Variants in ABCB9 observed in about 807,000 individuals in gnomAD.
The protein encoded by ABCB9 is ATP binding cassette subfamily B member 9.
In ABCB9, 36 loss-of-function variants were observed where a neutral mutation model predicts 62.0. The observed-to-expected ratio is 0.58, with a 90% CI of 0.45 to 0.77. The LOEUF (loss-of-function observed/expected upper bound fraction) is 0.77. Among genes scored for constraint, ABCB9 ranks in the 30% least tolerant of loss-of-function variants. The pLI, the probability that ABCB9 is intolerant of heterozygous loss-of-function variation, is 0.00. For missense variants in ABCB9, 943 were observed against 1,054.7 expected (o/e 0.89, Z 1.47); for synonymous variants, 435 against 461.4 (o/e 0.94, Z 0.73).
chr12:122,937,680 G>A (rs754703327), intron 9 of ABCB9, among the ~76,000 whole-genome samples: 7 of 152,134 alleles, frequency 4.6e-5, no homozygotes, highest in Non-Finnish European at 8.8e-5. Flanking sequence ...TCTACCTCTG[G>A]TTACATGCAC....
intron 11 of ABCB9, chr12:122,921,125 A>C (rs2034735879): frequency 1.4e-6 from 2 of 1,458,818 alleles, no homozygotes; most frequent in East Asian, 4.9e-5. Context: ...ATGCAATTTA[A>C]AATGGTTGGC....
rs1566165369 is a variant in ABCB9 at position 122,940,022 on chromosome 12, G to GT, written c.1743+88dup. 8.2e-6 allele frequency: 12 copies of GT among 1,467,168 alleles called. 1 individual carries two copies. The South Asian group carries it at 1.6e-4, about 19-fold the overall frequency. The allele number at this position is 1,467,168 out of a possible 1,614,324, so 90.9% of individuals were successfully genotyped here. A position where few individuals can be genotyped will look rare whatever the true frequency, so the allele number is the denominator to read the frequency against. On this transcript the variant is annotated intron_variant, in intron 9 of 11. Coordinates refer to ENST00000280560, the MANE Select transcript of ABCB9 (RefSeq NM_019625.4). This position sits in a 1 kb window ranked among gnomAD's most constrained non-coding sequence, Gnocchi z 4.8. ...TCTTTGAACTGTCCATTTATCTCTAGTGCCCTCTTCCGCACCTGTTACAGC... is the reference window on the plus strand; with the variant it reads ...TCTTTGAACTGTCCATTTATCTCTAGTTGCCCTCTTCCGCACCTGTTACAGC...
Position 122,947,714 on chromosome 12 carries a change from G to A in ABCB9, c.1053+910C>T, listed in dbSNP as rs1282010490. The A allele has an allele frequency of 7.6e-6, 2 of 261,958 alleles. No homozygotes were observed. Among genetic ancestry groups the A allele is most frequent in the Non-Finnish European group, 1.6e-5 (2 of 123,850 alleles). 16.2% of individuals were successfully genotyped at this position (261,958 alleles called of 1,614,324 possible). A position where few individuals can be genotyped will look rare whatever the true frequency, so the allele number is the denominator to read the frequency against. Reference sequence around the variant, plus strand: ...TCGGAAGCAGAAGCAGTGCCGTGGGGTGGCCAGAGGGGACAGCAGCCTGCC... The same window carrying A: ...TCGGAAGCAGAAGCAGTGCCGTGGGATGGCCAGAGGGGACAGCAGCCTGCC... On this transcript the variant is annotated intron_variant, in intron 5 of 11. Coordinates refer to ENST00000280560, the MANE Select transcript of ABCB9 (RefSeq NM_019625.4). This position sits in a 1 kb window ranked among gnomAD's most constrained non-coding sequence, Gnocchi z 6.0.
chr12:122,932,382 C>A lies in ABCB9; in HGVS notation c.1904-54G>T. 1 of 1,513,464 alleles carries A rather than the reference C, an allele frequency of 6.6e-7. No individual in the cohort carries two copies. The highest frequency in any genetic ancestry group is 1.4e-5 in the African/African-American group (1 of 72,530). 93.8% of individuals were successfully genotyped at this position (1,513,464 alleles called of 1,614,324 possible). A position where few individuals can be genotyped will look rare whatever the true frequency, so the allele number is the denominator to read the frequency against. On this transcript the variant is annotated intron_variant, in intron 10 of 11. Transcript: ENST00000280560. This position sits in a 1 kb window ranked among gnomAD's most constrained non-coding sequence, Gnocchi z 4.7. ...AGCAATGGGTGAGGCCGGGCAGCAC[C>A]GGGGAAGAGTGAGAGGCCCTGCCCT... is the stretch of plus-strand genomic sequence containing the variant.
chr12:122,941,078 T>C (rs2035741369), intron 7 of ABCB9, 83 bp from the exon 8 acceptor site: 1 of 1,428,630 alleles, frequency 7.0e-7, no homozygotes, highest in South Asian at 1.4e-5. Context: ...GAGGCAGGTA[T>C]AGGGAAAGCA....
chr12:122,950,536 G>T lies in ABCB9; in HGVS notation c.631C>A (p.Arg211Ser), dbSNP rs201867247. The stretch of plus-strand genomic sequence containing the variant: ...TGGATGACGATGCCATCAATGGCGC[G>T]GCCCGTGTAGTAGGGCAGGAAGGTC... ...GETFLPYYTG[R>S]AIDGIVIQKS... is the part of the protein sequence containing the mutation. The change falls in exon 3 of 12, where the codon CGC (arginine) becomes AGC (serine). Residue 211 changes from arginine (R) to serine (S), a missense_variant. Coordinates refer to ENST00000280560, the MANE Select transcript of ABCB9 (RefSeq NM_019625.4). 3.1e-6 allele frequency: 5 copies of T among 1,613,002 alleles called. No homozygotes were observed. The highest frequency in any genetic ancestry group is 3.4e-6 in the Non-Finnish European group (4 of 1,179,972).
chr12:122,949,655 G>T, intron 4 of ABCB9, 133 bp downstream of exon 4: 2 of 1,239,972 alleles, frequency 1.6e-6, no homozygotes, highest in Admixed American at 2.2e-5. Context: ...GGTGTTCCCA[G>T]CCTGAACTAA....
Position 122,947,501 on chromosome 12 carries a change from C to T in ABCB9, c.1053+1123G>A, listed in dbSNP as rs1259693401. The T allele has an allele frequency of 2.2e-6, 1 of 454,592 alleles. No homozygotes were observed. The highest frequency in any genetic ancestry group is 4.4e-6 in the Non-Finnish European group (1 of 225,820). 28.2% of individuals were successfully genotyped at this position (454,592 alleles called of 1,614,324 possible). Reference sequence around the variant, plus strand: ...CCGGCACCACCTGGAGGCCGTCATGCATCCAAGCCCCTGCTCTAGAAGTAC... The same window carrying T: ...CCGGCACCACCTGGAGGCCGTCATGTATCCAAGCCCCTGCTCTAGAAGTAC... On this transcript the variant is annotated intron_variant, in intron 5 of 11. Transcript: ENST00000280560. This position sits in a 1 kb window ranked among gnomAD's most constrained non-coding sequence, Gnocchi z 6.0.
At chr12:122,955,125 TA>T (rs1328209863) in intron 2 of ABCB9, among the ~76,000 whole-genome samples, 9 of 152,312 alleles carry the variant, frequency 5.9e-5, no homozygotes, top group African/African-American at 1.9e-4. Context: ...TTACTTGTGC[TA>T]GGCACCAAGC....
intron 9 of ABCB9, among the ~76,000 whole-genome samples, chr12:122,938,603 T>C (rs112827603): frequency 0.044 from 6,526 of 147,820 alleles, 461 homozygotes; most frequent in African/African-American, 0.15. Flanking sequence ...CCGAGGCGGG[T>C]GGATCACGAG....
At chr12:122,948,877 G>A in intron 4 of ABCB9, 48 bp from the exon 5 acceptor site, 6 of 1,446,532 alleles carry the variant, frequency 4.1e-6, no homozygotes, top group Non-Finnish European at 5.5e-6. Flanking sequence ...CGGGCCTTGG[G>A]GGTGGCGGTG....
chr12:122,955,561 C>T (rs2036574715), intron 2 of ABCB9, among the ~76,000 whole-genome samples: 1 of 152,220 alleles, frequency 6.6e-6, no homozygotes, highest in Non-Finnish European at 1.5e-5. Context: ...AGGGTGAATG[C>T]ATACATAACA....
rs142065173 is a variant in ABCB9 at position 122,947,835 on chromosome 12, C to A, written c.1053+789G>T. The stretch of plus-strand genomic sequence containing the variant: ...CACGTTCCAACCCAGGGCCTTTTCA[C>A]TGGCTGTGCCCTCTGCTCAGCACAT... On this transcript the variant is annotated intron_variant, in intron 5 of 11. Transcript: ENST00000280560. This position sits in a 1 kb window ranked among gnomAD's most constrained non-coding sequence, Gnocchi z 6.0. 2.2e-3 allele frequency: 352 copies of A among 162,492 alleles called. 3 individuals carry two copies. Among genetic ancestry groups the A allele is most frequent in the African/African-American group, 7.6e-3 (321 of 42,290 alleles). 10.1% of individuals were successfully genotyped at this position (162,492 alleles called of 1,614,324 possible).
In ABCB9 at chr12:122,960,297, T is replaced by C; in HGVS notation, c.-62A>G. 6.4e-7 allele frequency: 1 copy of C among 1,563,294 alleles called. No homozygotes were observed. Among genetic ancestry groups the C allele is most frequent in the Non-Finnish European group, 8.7e-7 (1 of 1,153,306 alleles). On this transcript the variant is annotated 5_prime_UTR_variant, in exon 2 of 12. It removes an upstream start codon present in the reference 5' UTR. Transcript: ENST00000280560. ...GTTGTAGCTCACGGGGGCAAGGCCA[T>C]CATCATCCACAGGGCGAGGCCAGGC...
Position 122,960,159 on chromosome 12 carries a change from A to T in ABCB9, c.77T>A (p.Val26Asp), listed in dbSNP as rs1303746024. Residue 26 changes from valine (V) to aspartate (D), a missense_variant, in exon 2 of 12, where the codon GTC becomes GAC. Coordinates refer to ENST00000280560, the MANE Select transcript of ABCB9 (RefSeq NM_019625.4). ...GAGGCTGCGGTCCAGGTGGCTGAAGACATAGATGGCCGTGGTCACGCAGAT... is the reference window on the plus strand; with the variant it reads ...GAGGCTGCGGTCCAGGTGGCTGAAGTCATAGATGGCCGTGGTCACGCAGAT... The part of the protein sequence containing the change: ...VDICVTTAIY[V>D]FSHLDRSLLE... 2 of 1,613,572 alleles carry T rather than the reference A, an allele frequency of 1.2e-6. No homozygotes were observed. Among genetic ancestry groups the T allele is most frequent in the Non-Finnish European group, 1.7e-6 (2 of 1,180,030 alleles).
Position 122,940,184 on chromosome 12 carries a change from G to T in ABCB9, c.1670C>A (p.Pro557His), listed in dbSNP as rs755065420. ...SCVNILENFY[P>H]LEGGRVLLDG... ...CAGCAGCACCCGGCCCCCCTCCAGG[G>T]GGTAGAAGTTCTCCAGGATGTTGAC... Residue 557 changes from proline to histidine, a missense_variant, in exon 9 of 12, where the codon CCC becomes CAC. By Grantham distance (77) the Pro-to-His change is moderately conservative. Transcript: ENST00000280560. The surrounding 1 kb of genome is among the most constrained non-coding windows in gnomAD (Gnocchi z 4.8). 6.2e-7 allele frequency: 1 copy of T among 1,613,596 alleles called. No homozygotes were observed. Among genetic ancestry groups the T allele is most frequent in the Non-Finnish European group, 8.5e-7 (1 of 1,179,832 alleles).
chr12:122,962,248 G>A (rs988849529), intron 1 of ABCB9, among the ~76,000 whole-genome samples: 1 of 152,218 alleles, frequency 6.6e-6, no homozygotes, highest in Admixed American at 6.5e-5. Flanking sequence ...GCTTGTCCAC[G>A]GTAGGGTTAG....
At position 122,948,728 on chromosome 12, in the gene ABCB9, C is replaced by T. The variant is rs775472474; in HGVS notation, c.949G>A (p.Val317Met). Residue 317 changes from valine to methionine, a missense_variant, in exon 5 of 12, where the codon GTG becomes ATG. Coordinates refer to ENST00000280560, the MANE Select transcript of ABCB9 (RefSeq NM_019625.4). ...FLRNTVKVTG[V>M]VVFMFSLSWQ... ...GAGAGGCTGAACATGAAGACCACCA[C>T]GCCCGTGACCTTGACTGTGTTCCGC... The T allele has an allele frequency of 2.2e-5, 36 of 1,613,862 alleles. No homozygotes were observed. Among genetic ancestry groups the T allele is most frequent in the African/African-American group, 1.2e-4 (9 of 74,914 alleles).
At position 122,935,560 on chromosome 12, in the gene ABCB9, A is replaced by G. The variant is rs1202346207; in HGVS notation, c.1744-129T>C. The G allele has an allele frequency of 2.8e-6, 3 of 1,090,804 alleles. No individual in the cohort carries two copies. In the African/African-American group the frequency reaches 4.8e-5, roughly 17 times the overall value. 67.6% of individuals were successfully genotyped at this position (1,090,804 alleles called of 1,614,324 possible). On this transcript the variant is annotated intron_variant, in intron 9 of 11. Transcript: ENST00000280560. ...CCTGAAACCTGATCAGGGCCCAGTG[A>G]CTGCACTGAGCTGCCTCTCTTCTTC...
Sources: gnomAD v4.1 joint callset for allele counts (sites outside exome capture counted in the v4.1 genomes callset) on GRCh38, gnomAD v4.1.1 for gene constraint, Gnocchi (gnomAD v3.1) non-coding constraint, MANE v1.5 for transcripts, NCBI Gene and HGNC (gene_info 2026-07-23, HGNC 2026-07-21) for gene names.